Variants in WDPCP observed in about 807,000 individuals in gnomAD.
WDPCP encodes WD repeat containing planar cell polarity effector.
A neutral mutation model predicts 93.1 loss-of-function variants in WDPCP; 71 were observed. That is an observed-to-expected ratio of 0.76 (90% CI 0.63 to 0.93). The LOEUF (loss-of-function observed/expected upper bound fraction) is 0.93. Among genes scored for constraint, WDPCP ranks in the 40% least tolerant of loss-of-function variants. The probability of loss-of-function intolerance (pLI) is 0.00; values close to 1 mark genes in which losing one functional copy is unlikely to be tolerated. For synonymous variants in WDPCP, 315 were observed against 315.0 expected (o/e 1.00, Z 0.00); for missense variants, 844 against 887.4 (o/e 0.95, Z 0.62).
intron 3 of WDPCP, among the ~76,000 whole-genome samples, chr2:63,645,750 A>G (rs1193607326): frequency 6.6e-6 from 1 of 152,188 alleles, no homozygotes; most frequent in Non-Finnish European, 1.5e-5. Flanking sequence ...CTTTATCATT[A>G]TTTAGTGACC....
chr2:63,588,248 G>A lies in WDPCP; in HGVS notation c.24C>T (p.Asp8=), dbSNP rs548483405. The change falls in exon 1 of 18, where the codon GAC becomes GAT. Residue 8 remains aspartate (D), a synonymous_variant. Transcript: ENST00000272321. ...GACTCCCGGCCGCTTTGGAGTAGGC[G>A]TCCCAGCAAAACTCTCGCCTCATCA... MRREFCW[D]AYSKAAGSRA... 1 of 1,577,926 alleles carries A rather than the reference G, an allele frequency of 6.3e-7. No homozygotes were observed. Among genetic ancestry groups the A allele is most frequent in the Non-Finnish European group, 8.6e-7 (1 of 1,159,430 alleles).
chr2:63,494,023 A>G (rs1239013846), intron 1 of WDPCP, among the ~76,000 whole-genome samples: 1 of 152,236 alleles, frequency 6.6e-6, no homozygotes, highest in African/African-American at 2.4e-5. Flanking sequence ...AATTTCAGAC[A>G]TAGTACAAAC....
chr2:63,837,146 G>A, the WDPCP span, among the ~76,000 whole-genome samples: 1 of 152,234 alleles, frequency 6.6e-6, no homozygotes, highest in East Asian at 1.9e-4. Flanking sequence ...CATTAACAGG[G>A]TGTTGGCAAC....
intron 13 of WDPCP, among the ~76,000 whole-genome samples, chr2:63,297,652 ATGT>A (rs1324520609): frequency 6.6e-6 from 1 of 152,112 alleles, no homozygotes; most frequent in East Asian, 1.9e-4. Flanking sequence ...TGATTTAACC[ATGT>A]TGTTATAGGG....
rs142270477 is a variant in WDPCP, at chr2:63,569,765, A to G, written c.75+18432T>C. Among the ~76,000 whole-genome samples the G allele has an allele frequency of 3.8e-3, 582 of 152,276 alleles. 3 individuals carry two copies. Among genetic ancestry groups the G allele is most frequent in the African/African-American group, 0.013 (543 of 41,562 alleles). On this transcript the variant is annotated intron_variant, in intron 1 of 17. Coordinates refer to ENST00000272321, the MANE Select transcript of WDPCP (RefSeq NM_015910.7). ...ATTTCCCCCCAAATTCCCCACCTACATGAAATTTGCTGTATCCTGGTAGAT... is the reference window on the plus strand; with the variant it reads ...ATTTCCCCCCAAATTCCCCACCTACGTGAAATTTGCTGTATCCTGGTAGAT...
intron 3 of WDPCP, among the ~76,000 whole-genome samples, chr2:63,603,655 C>CTTTTT (rs11297982): frequency 1.7e-3 from 164 of 99,052 alleles, no homozygotes; most frequent in Non-Finnish European, 2.4e-3. Context: ...CAAGACATTT[C>CTTTTT]TTTTTTTTTT....
At chr2:63,609,649 G>A (rs1575729098) in intron 3 of WDPCP, among the ~76,000 whole-genome samples, 1 of 152,148 alleles carries the variant, frequency 6.6e-6, no homozygotes, top group East Asian at 1.9e-4. Flanking sequence ...CAACACTTTG[G>A]GAAGCTAAGG....
At chr2:63,664,023 G>C (rs540768937) in intron 2 of WDPCP, among the ~76,000 whole-genome samples, 13 of 152,092 alleles carry the variant, frequency 8.5e-5, no homozygotes, top group Non-Finnish European at 1.5e-4. Context: ...ATACAGTTTA[G>C]GGAAGTTTGA....
rs4637094 is a variant in WDPCP, at chr2:63,392,430, C to T, written c.1436-10336G>A. Among the ~76,000 whole-genome samples the T allele has an allele frequency of 8.2e-4, 124 of 152,030 alleles. 1 individual carries two copies. The highest frequency in any genetic ancestry group is 2.7e-3 in the African/African-American group (114 of 41,462). ...AAATGTTAGGCCTAAAACCATAAAACCCCTAGAAGAAAACCTAGGCAATAC... is the reference window on the plus strand; with the variant it reads ...AAATGTTAGGCCTAAAACCATAAAATCCCTAGAAGAAAACCTAGGCAATAC... On this transcript the variant is annotated intron_variant, in intron 10 of 17. Transcript: ENST00000272321.
intron 17 of WDPCP, among the ~76,000 whole-genome samples, chr2:63,136,554 C>T (rs920226966): frequency 2.0e-5 from 3 of 151,916 alleles, no homozygotes; most frequent in Non-Finnish European, 4.4e-5. Context: ...TTTTTTTTAA[C>T]TTTTCGGTTC....
In WDPCP at chr2:63,450,827, G is replaced by A. The variant is rs142418550; in HGVS notation, c.385-10956C>T. 5.7e-3 allele frequency among the ~76,000 whole-genome samples: 871 copies of A among 152,068 alleles called. 8 individuals are homozygous for A. Among genetic ancestry groups the A allele is most frequent in the Non-Finnish European group, 5.2e-3 (351 of 67,996 alleles). On this transcript the variant is annotated intron_variant, in intron 6 of 17. Transcript: ENST00000272321. ...AACACCCCATCCAACCAAGAGAATT[G>A]ATATAACTTCAGGAAAAAGTCATCC...
chr2:63,709,234 G>C (rs571599444), intron 2 of WDPCP, among the ~76,000 whole-genome samples: 5 of 150,534 alleles, frequency 3.3e-5, no homozygotes, highest in Non-Finnish European at 7.4e-5. Flanking sequence ...AGAATCACTT[G>C]AACCCTGGAG....
At chr2:63,746,209 T>C (rs1669794158) in intron 2 of WDPCP, among the ~76,000 whole-genome samples, 2 of 152,184 alleles carry the variant, frequency 1.3e-5, no homozygotes, top group Non-Finnish European at 2.9e-5. Flanking sequence ...TGAACATAAA[T>C]TGTAAAGATT....
intron 2 of WDPCP, among the ~76,000 whole-genome samples, chr2:63,729,803 GA>G (rs531632496): frequency 3.6e-4 from 53 of 148,888 alleles, no homozygotes; most frequent in East Asian, 2.0e-4. Flanking sequence ...TTTATGTAGT[GA>G]AAAAAAAAAT....
intron 12 of WDPCP, among the ~76,000 whole-genome samples, chr2:63,321,139 CA>C (rs573931034): frequency 2.7e-5 from 4 of 150,406 alleles, no homozygotes; most frequent in African/African-American, 7.3e-5. Context: ...ATATATGAAA[CA>C]AAAAAAAGGT....
chr2:63,573,843 G>A lies in WDPCP; in HGVS notation c.75+14354C>T, dbSNP rs557776226. Among the ~76,000 whole-genome samples the A allele has an allele frequency of 1.6e-4, 25 of 152,264 alleles. 1 individual carries two copies. Among genetic ancestry groups the A allele is most frequent in the East Asian group, 5.8e-4 (3 of 5,188 alleles). Reference sequence around the variant, plus strand: ...GGAACATCCCTGAGAAAGAGAATGCGTCCCTGAGGGTAGGCCTCTAAAATG... The same window carrying A: ...GGAACATCCCTGAGAAAGAGAATGCATCCCTGAGGGTAGGCCTCTAAAATG... On this transcript the variant is annotated intron_variant, in intron 1 of 17. Transcript: ENST00000272321.
At chr2:63,545,441 C>G (rs1318423126) in intron 1 of WDPCP, among the ~76,000 whole-genome samples, 1 of 151,790 alleles carries the variant, frequency 6.6e-6, no homozygotes, top group Non-Finnish European at 1.5e-5. Context: ...GAAAACTAGT[C>G]CAGGCTTCCC....
At chr2:63,391,428 C>T (rs1265958020) in intron 10 of WDPCP, among the ~76,000 whole-genome samples, 1 of 152,116 alleles carries the variant, frequency 6.6e-6, no homozygotes, top group African/African-American at 2.4e-5. Context: ...AACCCACAGC[C>T]AATATCATAC....
intron 2 of WDPCP, among the ~76,000 whole-genome samples, chr2:63,769,095 T>G (rs1670187851): frequency 6.6e-6 from 1 of 151,968 alleles, no homozygotes; most frequent in African/African-American, 2.4e-5. Flanking sequence ...TTTTGAAAAT[T>G]CTTCATGAAA....
Sources: gnomAD v4.1 joint callset for allele counts (sites outside exome capture counted in the v4.1 genomes callset) on GRCh38, gnomAD v4.1.1 for gene constraint, MANE v1.5 for transcripts, NCBI Gene and HGNC (gene_info 2026-07-23, HGNC 2026-07-21) for gene names.